The following ATM variants were observed in gnomAD, a reference collection of about 807,000 sequenced individuals.
ATM encodes ATM serine/threonine kinase, also known as serine-protein kinase ATM.
Under a neutral mutation model 387.0 loss-of-function variants are expected in ATM, and 308 were observed. The ratio of observed to expected loss-of-function variants is 0.80; its 90% CI spans 0.73 to 0.87. The LOEUF (loss-of-function observed/expected upper bound fraction) is 0.87. ATM is among the 40% of genes least tolerant of loss of function. The pLI is 0.00. For synonymous variants in ATM, 1,156 were observed against 1,187.3 expected, an observed-to-expected ratio of 0.97 and a Z score of 0.54; for missense variants, 3,312 against 3,560.9, an observed-to-expected ratio of 0.93 and a Z score of 1.78.
intron 40 of ATM, among the ~76,000 whole-genome samples, chr11:108,315,524 T>G (rs930245370): frequency 6.6e-6 from 1 of 152,122 alleles, no homozygotes; most frequent in Non-Finnish European, 1.5e-5. Context: ...TTTTAAAAAA[T>G]TTTTCAGTAG....
intron 4 of ATM, among the ~76,000 whole-genome samples, chr11:108,234,385 A>G (rs1296043810): frequency 6.6e-6 from 1 of 152,252 alleles, no homozygotes; most frequent in Non-Finnish European, 1.5e-5. Flanking sequence ...GATTGTCAGT[A>G]TGGAAAAATG....
intron 38 of ATM, 25 bp from the exon 39 acceptor site, chr11:108,310,135 G>A (rs1470514299): frequency 1.9e-6 from 3 of 1,604,408 alleles, no homozygotes; most frequent in Admixed American, 1.7e-5. Context: ...AAAAGTGAAT[G>A]ACATTATATC....
At chr11:108,300,874 C>T (rs2083390663) in intron 34 of ATM, among the ~76,000 whole-genome samples, 1 of 143,114 alleles carries the variant, frequency 7.0e-6, no homozygotes, top group Admixed American at 7.7e-5. Context: ...TAATTCATCT[C>T]TCTCTTTTTT....
intron 18 of ATM, 94 bp from the exon 19 acceptor site, chr11:108,270,970 A>C (rs2135545582): frequency 3.0e-6 from 3 of 993,424 alleles, no homozygotes; most frequent in Non-Finnish European, 4.7e-6. Flanking sequence ...CTGGGATTAC[A>C]GGTGTGAGCC....
At chr11:108,341,494 C>T (rs2087570135) in intron 56 of ATM, among the ~76,000 whole-genome samples, 2 of 152,096 alleles carry the variant, frequency 1.3e-5, no homozygotes, top group African/African-American at 4.8e-5. Flanking sequence ...TCTCAGTGCC[C>T]TAGCCCTGTG....
intron 59 of ATM, among the ~76,000 whole-genome samples, chr11:108,349,503 A>C (rs1318644800): frequency 6.6e-6 from 1 of 152,142 alleles, no homozygotes; most frequent in Non-Finnish European, 1.5e-5. Context: ...TCTCTACTAA[A>C]ATACAAAAAA....
chr11:108,284,561 C>T (rs2082396505), intron 26 of ATM, 88 bp downstream of exon 26: 10 of 1,535,002 alleles, frequency 6.5e-6, no homozygotes, highest in Admixed American at 1.7e-5. Flanking sequence ...TCGATTTATT[C>T]GTATTTATAT....
intron 22 of ATM, among the ~76,000 whole-genome samples, chr11:108,274,126 ACTTT>A (rs1443380066): frequency 6.6e-6 from 1 of 151,938 alleles, no homozygotes; most frequent in East Asian, 1.9e-4. Flanking sequence ...GGAATTTATC[ACTTT>A]CTTCTAGATT....
Position 108,289,043 on chromosome 11 carries a change from T to A in ATM, c.4176T>A (p.Tyr1392Ter), listed in dbSNP as rs771894720. The change falls in exon 28 of 63, where the codon TAT becomes TAA. Residue 1392 changes from tyrosine to a stop codon, truncating the protein, a stop_gained. Coordinates refer to ENST00000675843, the MANE Select transcript of ATM (RefSeq NM_000051.4). LOFTEE classifies it high-confidence loss of function. ...ATGTGATTAAAGCAACATTTGCCTA[T>A]ATCAGCAATTGTCATAAAACCAAGT... The part of the protein sequence containing the change: ...PSHVIKATFA[Y>*]ISNCHKTKLK... The A allele has an allele frequency of 6.2e-7, 1 of 1,613,204 alleles. No homozygotes were observed. Among genetic ancestry groups the A allele is most frequent in the South Asian group, 1.1e-5 (1 of 91,068 alleles).
chr11:108,280,520 G>GGT (rs142379744), intron 23 of ATM, among the ~76,000 whole-genome samples: 4,146 of 150,708 alleles, frequency 0.028, 187 homozygotes, highest in African/African-American at 0.093. Flanking sequence ...ACATAGTAGG[G>GGT]GTGTGTGTGT....
intron 26 of ATM, among the ~76,000 whole-genome samples, chr11:108,285,730 G>C (rs1249115064): frequency 1.3e-5 from 2 of 151,972 alleles, no homozygotes; most frequent in Non-Finnish European, 2.9e-5. Context: ...GAAGGGAAAT[G>C]GTGAGCAGAG....
intron 11 of ATM, 33 bp from the exon 12 acceptor site, chr11:108,252,784 C>T (rs2080224366): frequency 6.9e-7 from 1 of 1,451,810 alleles, no homozygotes; most frequent in Non-Finnish European, 9.7e-7. Context: ...GGCTTTTGGT[C>T]TTCTAAGTGA....
chr11:108,245,814 G>A (rs1402282530), intron 7 of ATM, among the ~76,000 whole-genome samples: 2 of 146,586 alleles, frequency 1.4e-5, no homozygotes, highest in Non-Finnish European at 3.0e-5. Context: ...GAAATGTCTT[G>A]TAGCCACTTT....
chr11:108,266,039 C>A (rs1024743589), intron 16 of ATM, among the ~76,000 whole-genome samples: 4 of 151,996 alleles, frequency 2.6e-5, no homozygotes, highest in Admixed American at 6.6e-5. Flanking sequence ...GTTGGTGGGA[C>A]TGTAAACTAG....
intron 26 of ATM, 51 bp downstream of exon 26, chr11:108,284,524 T>C (rs767641380): frequency 4.4e-6 from 7 of 1,602,996 alleles, no homozygotes; most frequent in African/African-American, 1.3e-5. Flanking sequence ...ATATGAGATA[T>C]AACCTTTAAG....
At chr11:108,271,039 A>T in intron 18 of ATM, 25 bp from the exon 19 acceptor site, 1 of 1,595,574 alleles carries the variant, frequency 6.3e-7, no homozygotes, top group East Asian at 2.2e-5. Context: ...GATAAACCTG[A>T]TTTTTTTCCC....
At chr11:108,340,024 G>C (rs1311883224) in intron 56 of ATM, 2 of 152,154 alleles carry the variant, frequency 1.3e-5, no homozygotes, top group Non-Finnish European at 2.9e-5. Flanking sequence ...GTAAAACATT[G>C]CCCTAGTCCT....
At chr11:108,355,111 T>C in intron 61 of ATM, 1 of 524,672 alleles carries the variant, frequency 1.9e-6, no homozygotes, top group Non-Finnish European at 3.4e-6. Context: ...AAGTAGTCTC[T>C]AGTTTTCAAT....
At chr11:108,318,815 GT>G (rs2084972101) in intron 43 of ATM, among the ~76,000 whole-genome samples, 2 of 152,092 alleles carry the variant, frequency 1.3e-5, no homozygotes, top group South Asian at 2.1e-4. Context: ...TTTATGTAAA[GT>G]TTTTTGATAA....
Sources: allele counts gnomAD v4.1 joint callset (sites outside exome capture counted in the v4.1 genomes callset), GRCh38; gene constraint gnomAD v4.1.1; transcripts MANE v1.5; gene names NCBI Gene and HGNC (gene_info 2026-07-23, HGNC 2026-07-21).